FAM3B: variants seen among roughly 807,000 people sequenced by gnomAD.
The protein encoded by FAM3B is protein FAM3B.
In FAM3B, 29 loss-of-function variants were observed where a neutral mutation model predicts 28.4. The observed-to-expected ratio is 1.02, with a 90% CI of 0.76 to 1.39. FAM3B has a LOEUF of 1.39. Among genes scored for constraint, FAM3B ranks in the 40% most tolerant of loss-of-function variants. FAM3B has a pLI of 0.00. For synonymous variants in FAM3B, 91 were observed against 103.0 expected (o/e 0.88, Z 0.71); for missense variants, 266 against 293.9 (o/e 0.91, Z 0.69).
At chr21:41,349,711 A>C (rs2089098061) in intron 7 of FAM3B, among the ~76,000 whole-genome samples, 1 of 152,214 alleles carries the variant, frequency 6.6e-6, no homozygotes, top group Non-Finnish European at 1.5e-5. Context: ...GTGCGACTTC[A>C]GCGCAGGCCA....
At chr21:41,340,843 C>T (rs1419036194) in intron 3 of FAM3B, among the ~76,000 whole-genome samples, 1 of 152,010 alleles carries the variant, frequency 6.6e-6, no homozygotes, top group African/African-American at 2.4e-5. Flanking sequence ...CTCTTGTTCC[C>T]ATCTCCATTA....
rs533347545 is a variant in FAM3B, at chr21:41,332,422, A to G, written c.164-5956A>G. 6.6e-5 allele frequency among the ~76,000 whole-genome samples: 10 copies of G among 152,294 alleles called. No homozygotes were observed. The South Asian group carries it at 2.1e-3, about 32-fold the overall frequency. On this transcript the variant is annotated intron_variant, in intron 2 of 7. Transcript: ENST00000357985. The stretch of plus-strand genomic sequence containing the variant: ...AGCTTGTTGAATTCAGTTTGCTAGT[A>G]TTAATATTTTGTTGAGGAATTTGGC...
chr21:41,332,834 T>C (rs2088918458), intron 2 of FAM3B, among the ~76,000 whole-genome samples: 1 of 152,146 alleles, frequency 6.6e-6, no homozygotes, highest in South Asian at 2.1e-4. Flanking sequence ...CTTTCTTTTT[T>C]TCTCAGTCTA....
intron 2 of FAM3B, among the ~76,000 whole-genome samples, chr21:41,337,838 T>G (rs1476204544): frequency 6.6e-6 from 1 of 151,838 alleles, no homozygotes; most frequent in Non-Finnish European, 1.5e-5. Flanking sequence ...TCATGTGGTG[T>G]GTGTGCATGA....
intron 7 of FAM3B, among the ~76,000 whole-genome samples, chr21:41,356,059 ACAC>A (rs2089164643): frequency 6.7e-6 from 1 of 149,700 alleles, no homozygotes; most frequent in Non-Finnish European, 1.5e-5. Flanking sequence ...ACACACACAC[ACAC>A]ACACACACAC....
intron 1 of FAM3B, among the ~76,000 whole-genome samples, chr21:41,321,355 GATCAC>G (rs2088802935): frequency 1.3e-5 from 2 of 152,232 alleles, no homozygotes; most frequent in African/African-American, 4.8e-5. Flanking sequence ...TCTAGGCAGA[GATCAC>G]TCCTGCAGAG....
upstream of FAM3B, among the ~76,000 whole-genome samples, chr21:41,312,848 G>T (rs1013828521): frequency 5.3e-5 from 8 of 152,250 alleles, 1 homozygote; most frequent in Admixed American, 1.3e-4. Context: ...AGGAGCTGAG[G>T]GGTGGCTGGA....
intron 1 of FAM3B, chr21:41,321,108 A>G (rs1173830845): frequency 6.6e-6 from 1 of 152,170 alleles, no homozygotes; most frequent in Non-Finnish European, 1.5e-5. Flanking sequence ...CTCCAAATAC[A>G]ACACTTGGAT....
chr21:41,347,419 GT>G (rs1343079333), intron 6 of FAM3B, among the ~76,000 whole-genome samples: 1 of 152,154 alleles, frequency 6.6e-6, no homozygotes, highest in African/African-American at 2.4e-5. Context: ...GGCATTAATA[GT>G]TACAGCAATG....
chr21:41,304,842 G>A (rs1301729310), intron 1 of FAM3B, among the ~76,000 whole-genome samples: 1 of 152,154 alleles, frequency 6.6e-6, no homozygotes, highest in Non-Finnish European at 1.5e-5. Flanking sequence ...AAAGGCATCT[G>A]GAAAGAAGTG....
chr21:41,309,538 A>G (rs999945857), intron 1 of FAM3B, among the ~76,000 whole-genome samples: 1 of 152,240 alleles, frequency 6.6e-6, no homozygotes, highest in Admixed American at 6.5e-5. Context: ...TTGCAGATCA[A>G]ACCATCTAAA....
chr21:41,347,065 G>C lies in FAM3B; in HGVS notation c.450G>C (p.Leu150=). ...KFIQSAAPKS[L]LFMVTYDDGS... ...TTCAGAGTGCTGCTCCAAAATCCCT[G>C]CTCTTCATGGTGACCTATGACGACG... The change falls in exon 6 of 8, where the codon CTG becomes CTC. Residue 150 remains leucine, a synonymous_variant. Coordinates refer to ENST00000357985, the MANE Select transcript of FAM3B (RefSeq NM_058186.4). The C allele has an allele frequency of 6.2e-7, 1 of 1,614,132 alleles. No individual in the cohort carries two copies. The highest frequency in any genetic ancestry group is 1.7e-5 in the Admixed American group (1 of 60,014).
chr21:41,341,923 T>C (rs1457411146), intron 3 of FAM3B, among the ~76,000 whole-genome samples: 1 of 152,232 alleles, frequency 6.6e-6, no homozygotes, highest in African/African-American at 2.4e-5. Flanking sequence ...AGGTAAGTTT[T>C]CTTACAGCAA....
At position 41,345,673 on chromosome 21, in the gene FAM3B, C is replaced by T; in HGVS notation, c.347-13C>T. On this transcript the variant is annotated splice_polypyrimidine_tract_variant and intron_variant, in intron 4 of 7. Coordinates refer to ENST00000357985, the MANE Select transcript of FAM3B (RefSeq NM_058186.4). ...TGAACTTTCTTTTAAAATACCATTTCTTTTATTTTCAGATGTAACTGGGAA... is the reference window on the plus strand; with the variant it reads ...TGAACTTTCTTTTAAAATACCATTTTTTTTATTTTCAGATGTAACTGGGAA... 2 of 1,521,680 alleles carry T rather than the reference C, an allele frequency of 1.3e-6. No homozygotes were observed. The highest frequency in any genetic ancestry group is 2.4e-5 in the East Asian group (1 of 42,390). The allele number at this position is 1,521,680 out of a possible 1,614,324, so 94.3% of individuals were successfully genotyped here.
intron 2 of FAM3B, among the ~76,000 whole-genome samples, chr21:41,338,025 C>T (rs1011490615): frequency 1.3e-5 from 2 of 152,054 alleles, no homozygotes; most frequent in African/African-American, 4.8e-5. Flanking sequence ...TGCTCACCAG[C>T]TCTCTTAGAC....
At chr21:41,339,957 A>G (rs1272060026) in intron 3 of FAM3B, among the ~76,000 whole-genome samples, 1 of 152,160 alleles carries the variant, frequency 6.6e-6, no homozygotes. Context: ...CCCAAGTACT[A>G]AAGCCTCAGA....
chr21:41,323,912 C>A (rs1248729321), intron 2 of FAM3B, among the ~76,000 whole-genome samples: 2 of 152,130 alleles, frequency 1.3e-5, no homozygotes, highest in East Asian at 3.8e-4. Context: ...GCCTTATAAA[C>A]AACGCATTTA....
At chr21:41,331,068 G>T (rs1218637396) in intron 2 of FAM3B, among the ~76,000 whole-genome samples, 1 of 152,098 alleles carries the variant, frequency 6.6e-6, no homozygotes, top group East Asian at 1.9e-4. Flanking sequence ...AGCATATAGG[G>T]TTTTCTTTGC....
rs896125508 is a variant in FAM3B at position 41,326,086 on chromosome 21, C to T, written c.163+3020C>T. ...GAAACAGGAGACTAAATAGAAGGTCCGCCGTTCTCCCTGGCTAGGACACTG... is the reference window on the plus strand; with the variant it reads ...GAAACAGGAGACTAAATAGAAGGTCTGCCGTTCTCCCTGGCTAGGACACTG... On this transcript the variant is annotated intron_variant, in intron 2 of 7. Transcript: ENST00000357985. The surrounding 1 kb of genome is among the most constrained non-coding windows in gnomAD (Gnocchi z 4.0). Among the ~76,000 whole-genome samples, 9 of 152,196 alleles carry T rather than the reference C, an allele frequency of 5.9e-5. No individual in the cohort carries two copies. Among genetic ancestry groups the T allele is most frequent in the Admixed American group, 2.0e-4 (3 of 15,286 alleles).
Sources: gnomAD v4.1 joint callset for allele counts (sites outside exome capture counted in the v4.1 genomes callset) on GRCh38, gnomAD v4.1.1 for gene constraint, Gnocchi (gnomAD v3.1) non-coding constraint, MANE v1.5 for transcripts, NCBI Gene and HGNC (gene_info 2026-07-23, HGNC 2026-07-21) for gene names.